PPP1R12B: variants seen among roughly 807,000 people sequenced by gnomAD.
PPP1R12B encodes the protein myosin phosphatase target subunit 2.
Under a neutral mutation model 126.1 loss-of-function variants are expected in PPP1R12B, and 76 were observed. The ratio of observed to expected loss-of-function variants is 0.60; its 90% CI spans 0.50 to 0.73. The LOEUF (loss-of-function observed/expected upper bound fraction) is 0.73. Among genes scored for constraint, PPP1R12B ranks in the 30% least tolerant of loss-of-function variants. The pLI is 0.00. For missense variants in PPP1R12B, 1,052 were observed against 1,205.1 expected (o/e 0.87, Z 1.88); for synonymous variants, 356 against 434.7 (o/e 0.82, Z 2.25).
At chr1:202,528,908 C>T (rs1189384984) in intron 18 of PPP1R12B, among the ~76,000 whole-genome samples, 3 of 151,958 alleles carry the variant, frequency 2.0e-5, no homozygotes, top group Non-Finnish European at 4.4e-5. Context: ...AGAGCTACAG[C>T]CATATTTTTT....
At chr1:202,520,004 A>G (rs569927175) in intron 18 of PPP1R12B, among the ~76,000 whole-genome samples, 7 of 152,308 alleles carry the variant, frequency 4.6e-5, no homozygotes, top group South Asian at 2.1e-4. Context: ...TGATCAAACA[A>G]AAATATGCAT....
intron 14 of PPP1R12B, among the ~76,000 whole-genome samples, chr1:202,489,624 T>C (rs1678603527): frequency 1.3e-5 from 2 of 152,200 alleles, no homozygotes; most frequent in African/African-American, 4.8e-5. Context: ...ATATATTATA[T>C]GATTCCATTT....
chr1:202,552,881 A>C (rs1686466039), intron 18 of PPP1R12B, among the ~76,000 whole-genome samples: 1 of 152,030 alleles, frequency 6.6e-6, no homozygotes, highest in African/African-American at 2.4e-5. Flanking sequence ...ACTTGGTAGG[A>C]GTTTGGTTTT....
At chr1:202,543,847 A>G (rs919465954) in intron 18 of PPP1R12B, among the ~76,000 whole-genome samples, 3 of 152,226 alleles carry the variant, frequency 2.0e-5, no homozygotes, top group African/African-American at 7.2e-5. Context: ...GACTGTTATA[A>G]GTGGTATGCT....
intron 13 of PPP1R12B, chr1:202,472,003 C>T (rs1208213447): frequency 2.5e-6 from 4 of 1,595,902 alleles, no homozygotes; most frequent in Non-Finnish European, 3.4e-6. Flanking sequence ...TTATAGCATC[C>T]TGGGCATTTC....
At chr1:202,516,410 T>G (rs1682151779) in intron 18 of PPP1R12B, among the ~76,000 whole-genome samples, 1 of 152,188 alleles carries the variant, frequency 6.6e-6, no homozygotes, top group Non-Finnish European at 1.5e-5. Flanking sequence ...ATCCAGTAGT[T>G]TGAGAGCTGA....
chr1:202,384,669 T>G (rs1662849762), intron 1 of PPP1R12B, among the ~76,000 whole-genome samples: 1 of 152,212 alleles, frequency 6.6e-6, no homozygotes, highest in Non-Finnish European at 1.5e-5. Context: ...TAAAAACCAT[T>G]GAATTGTACA....
chr1:202,357,031 A>G (rs768335022), intron 1 of PPP1R12B, among the ~76,000 whole-genome samples: 8 of 152,102 alleles, frequency 5.3e-5, no homozygotes, highest in Non-Finnish European at 1.2e-4. Flanking sequence ...CTTGTTGGCC[A>G]GGCTGGTCTC....
At chr1:202,439,047 TG>T in intron 10 of PPP1R12B, 1 of 1,385,232 alleles carries the variant, frequency 7.2e-7, no homozygotes, top group Non-Finnish European at 1.0e-6. Context: ...GACTTCATCC[TG>T]GCCGCCAACT....
chr1:202,554,427 C>G (rs1295051823), intron 18 of PPP1R12B, among the ~76,000 whole-genome samples: 1 of 152,102 alleles, frequency 6.6e-6, no homozygotes, highest in Non-Finnish European at 1.5e-5. Context: ...CCTACTGCAT[C>G]CAAAGCTCAC....
chr1:202,501,304 C>T (rs1035590721), intron 18 of PPP1R12B, among the ~76,000 whole-genome samples: 2 of 152,152 alleles, frequency 1.3e-5, no homozygotes, highest in African/African-American at 2.4e-5. Flanking sequence ...AGCATAGGTA[C>T]GCCACAGAAG....
At chr1:202,399,423 G>A (rs896248981) in intron 1 of PPP1R12B, among the ~76,000 whole-genome samples, 5 of 151,402 alleles carry the variant, frequency 3.3e-5, no homozygotes, top group African/African-American at 4.9e-5. Flanking sequence ...GGCTCATTTT[G>A]TTGTCCAAGC....
intron 1 of PPP1R12B, among the ~76,000 whole-genome samples, chr1:202,403,169 G>A (rs990043610): frequency 6.6e-6 from 1 of 152,146 alleles, no homozygotes; most frequent in East Asian, 1.9e-4. Context: ...GGGGCCTGGG[G>A]CACTGAGAAA....
Position 202,419,275 on chromosome 1 carries a change from C to G in PPP1R12B, c.422+2358C>G, listed in dbSNP as rs1391224300. Among the ~76,000 whole-genome samples, 1 of 152,076 alleles carries G rather than the reference C, an allele frequency of 6.6e-6. No individual in the cohort carries two copies. The highest frequency in any genetic ancestry group is 1.5e-5 in the Non-Finnish European group (1 of 68,018). Reference sequence around the variant, plus strand: ...TGCTAATTTATTCTCAGTTTTTGAACGTATTTCATTTTCTTTCTTCCTCCC... The same window carrying G: ...TGCTAATTTATTCTCAGTTTTTGAAGGTATTTCATTTTCTTTCTTCCTCCC... On this transcript the variant is annotated intron_variant, in intron 2 of 23. Coordinates refer to ENST00000608999, the MANE Select transcript of PPP1R12B (RefSeq NM_002481.4). The surrounding 1 kb of genome is among the most constrained non-coding windows in gnomAD (Gnocchi z 4.6).
rs115555425 is a variant in PPP1R12B at position 202,564,745 on chromosome 1, C to T, written c.2757+198C>T. ...AACTTAAAAAGGAAAACTGATAATTCAGTGAACAATTCCTGATGGTCTGAA... is the reference window on the plus strand; with the variant it reads ...AACTTAAAAAGGAAAACTGATAATTTAGTGAACAATTCCTGATGGTCTGAA... On this transcript the variant is annotated intron_variant, in intron 21 of 23. Coordinates refer to ENST00000608999, the MANE Select transcript of PPP1R12B (RefSeq NM_002481.4). Among the ~76,000 whole-genome samples the T allele has an allele frequency of 7.5e-3, 1,149 of 152,246 alleles. 6 individuals are homozygous for T. Among genetic ancestry groups the T allele is most frequent in the Non-Finnish European group, 0.012 (824 of 68,020 alleles).
chr1:202,503,742 C>T (rs1680493082), intron 18 of PPP1R12B, among the ~76,000 whole-genome samples: 1 of 151,694 alleles, frequency 6.6e-6, no homozygotes, highest in African/African-American at 2.4e-5. Flanking sequence ...AAACAAAACA[C>T]ATGGAACAAT....
intron 18 of PPP1R12B, among the ~76,000 whole-genome samples, chr1:202,540,632 G>T (rs891227824): frequency 2.6e-5 from 4 of 152,142 alleles, no homozygotes; most frequent in Non-Finnish European, 5.9e-5. Context: ...TGTTTCAAGA[G>T]AAAAACCTCT....
chr1:202,386,373 C>A (rs1194310524), intron 1 of PPP1R12B, among the ~76,000 whole-genome samples: 4 of 151,846 alleles, frequency 2.6e-5, no homozygotes, highest in African/African-American at 9.7e-5. Context: ...GCTCTGTCAC[C>A]CAGGCTAGAG....
intron 18 of PPP1R12B, chr1:202,502,095 C>G (rs148527214): frequency 0.021 from 20,369 of 985,610 alleles, 238 homozygotes; most frequent in Middle Eastern, 0.042. Context: ...TCAGGTGGCA[C>G]TCAATCTGAA....
Sources: gnomAD v4.1 joint callset for allele counts (sites outside exome capture counted in the v4.1 genomes callset) on GRCh38, gnomAD v4.1.1 for gene constraint, Gnocchi (gnomAD v3.1) non-coding constraint, MANE v1.5 for transcripts, NCBI Gene and HGNC (gene_info 2026-07-23, HGNC 2026-07-21) for gene names.